Variants in RYR3 observed in about 807,000 individuals in gnomAD.
RYR3 encodes brain ryanodine receptor-calcium release channel.
In RYR3, 207 loss-of-function variants were observed where a neutral mutation model predicts 584.3. The ratio of observed to expected loss-of-function variants is 0.35; its 90% CI spans 0.32 to 0.40. The LOEUF (loss-of-function observed/expected upper bound fraction) is 0.40, where lower values mean the gene tolerates loss of function less well. Ranked by LOEUF, RYR3 falls within the 10% of genes least tolerant of loss-of-function variation. The pLI is 1.00. For missense variants in RYR3, 5,616 were observed against 6,089.2 expected (o/e 0.92, Z 2.59); for synonymous variants, 2,416 against 2,248.5 (o/e 1.07, Z -2.11).
chr15:33,781,577 A>G (rs1278871181), intron 65 of RYR3, among the ~76,000 whole-genome samples: 1 of 152,142 alleles, frequency 6.6e-6, no homozygotes, highest in African/African-American at 2.4e-5. Context: ...GTGCTAAGCC[A>G]TGGCAGCTTT....
chr15:33,748,611 G>C, intron 55 of RYR3, 81 bp downstream of exon 55: 1 of 1,164,704 alleles, frequency 8.6e-7, no homozygotes, highest in Non-Finnish European at 1.3e-6. Flanking sequence ...GGAAAAAAGG[G>C]AAAGAATGCC....
intron 2 of RYR3, among the ~76,000 whole-genome samples, chr15:33,489,257 T>C (rs543068096): frequency 1.3e-5 from 2 of 152,314 alleles, no homozygotes; most frequent in East Asian, 1.9e-4. Context: ...GTTTGTTACA[T>C]AGGTAAACTT....
chr15:33,605,099 T>C (rs1011229948), intron 18 of RYR3, among the ~76,000 whole-genome samples: 1 of 152,202 alleles, frequency 6.6e-6, no homozygotes, highest in Non-Finnish European at 1.5e-5. Flanking sequence ...TGAAGCAAAT[T>C]GGACCCTTGT....
intron 19 of RYR3, among the ~76,000 whole-genome samples, chr15:33,623,558 G>A (rs1215422687): frequency 6.6e-6 from 1 of 152,090 alleles, no homozygotes; most frequent in Non-Finnish European, 1.5e-5. Flanking sequence ...AAAACCTAGT[G>A]GTTTATGTAT....
intron 27 of RYR3, among the ~76,000 whole-genome samples, chr15:33,639,400 T>C (rs530911765): frequency 6.6e-6 from 1 of 152,348 alleles, no homozygotes; most frequent in South Asian, 2.1e-4. Flanking sequence ...GAAGTCGACA[T>C]GCCATTCTTT....
At chr15:33,382,809 A>G (rs2041298424) in intron 1 of RYR3, among the ~76,000 whole-genome samples, 1 of 152,210 alleles carries the variant, frequency 6.6e-6, no homozygotes, top group African/African-American at 2.4e-5. Flanking sequence ...TAATAGTAGG[A>G]GCCCTGGGGG....
chr15:33,598,468 C>T (rs539806704), intron 16 of RYR3, among the ~76,000 whole-genome samples: 1 of 151,996 alleles, frequency 6.6e-6, no homozygotes, highest in South Asian at 2.1e-4. Context: ...ACAAATTGTA[C>T]GATTTCTGAG....
chr15:33,451,815 T>C lies in RYR3; in HGVS notation c.52-21604T>C, dbSNP rs552440465. ...CATGTATGATTGTTATTCTTCACAG[T>C]AGTCTTTGACTTCGTCATTATTAAC... On this transcript the variant is annotated intron_variant, in intron 1 of 103. Coordinates refer to ENST00000634891, the MANE Select transcript of RYR3 (RefSeq NM_001036.6). 4.7e-4 allele frequency among the ~76,000 whole-genome samples: 71 copies of C among 152,392 alleles called. No homozygotes were observed. The Middle Eastern group carries it at 0.02, about 44-fold the overall frequency.
At chr15:33,751,779 G>A (rs1329848448) in intron 57 of RYR3, among the ~76,000 whole-genome samples, 1 of 152,006 alleles carries the variant, frequency 6.6e-6, no homozygotes, top group African/African-American at 2.4e-5. Flanking sequence ...CATTGATTTT[G>A]GTGTTTTAGT....
chr15:33,778,811 CCAT>C (rs1339247842), intron 64 of RYR3, among the ~76,000 whole-genome samples: 9 of 152,208 alleles, frequency 5.9e-5, no homozygotes, highest in African/African-American at 2.2e-4. Context: ...CAAGACTGAG[CCAT>C]CAGCTAAGAA....
intron 2 of RYR3, among the ~76,000 whole-genome samples, chr15:33,474,055 G>T (rs2049160233): frequency 6.6e-6 from 1 of 152,170 alleles, no homozygotes; most frequent in African/African-American, 2.4e-5. Flanking sequence ...CTGCATGGTG[G>T]CAATAATGCT....
chr15:33,540,911 T>A, intron 7 of RYR3, 21 bp downstream of exon 7: 2 of 1,496,738 alleles, frequency 1.3e-6, no homozygotes, highest in Non-Finnish European at 1.9e-6. Context: ...TTAAATGCAT[T>A]TAGCCCTGAG....
At chr15:33,680,448 G>C (rs1355683910) in intron 38 of RYR3, among the ~76,000 whole-genome samples, 1 of 152,196 alleles carries the variant, frequency 6.6e-6, no homozygotes, top group Non-Finnish European at 1.5e-5. Flanking sequence ...CTTGCTTCTT[G>C]TTCCAGCTTT....
At chr15:33,657,600 C>G (rs1240466340) in intron 32 of RYR3, among the ~76,000 whole-genome samples, 1 of 152,200 alleles carries the variant, frequency 6.6e-6, no homozygotes, top group African/African-American at 2.4e-5. Flanking sequence ...GTCTCATCAC[C>G]ATGAACTCAG....
Position 33,458,222 on chromosome 15 carries a change from G to C in RYR3, c.52-15197G>C, listed in dbSNP as rs375245374. On this transcript the variant is annotated intron_variant, in intron 1 of 103. Transcript: ENST00000634891. The stretch of plus-strand genomic sequence containing the variant: ...TAGGGTAGACAGTGGGATAGGAGGA[G>C]ATCAATTACACTTTGTACTCACCCT... Among the ~76,000 whole-genome samples, 14 of 152,200 alleles carry C rather than the reference G, an allele frequency of 9.2e-5. No individual in the cohort carries two copies. In the East Asian group the frequency reaches 2.5e-3, roughly 27 times the overall value.
chr15:33,561,692 A>G (rs2057408093), intron 10 of RYR3, among the ~76,000 whole-genome samples: 2 of 151,424 alleles, frequency 1.3e-5, no homozygotes, highest in Non-Finnish European at 2.9e-5. Context: ...CCTGGGCAAC[A>G]TGGGGAAACC....
chr15:33,546,805 G>T lies in RYR3; in HGVS notation c.741-1325G>T, dbSNP rs527686517. ...GACTCATAATTATACTACTTCTCCA[G>T]AAAAAAAAAATAAGTATACATTTTC... On this transcript the variant is annotated intron_variant, in intron 8 of 103. Transcript: ENST00000634891. Among the ~76,000 whole-genome samples the T allele has an allele frequency of 3.9e-3, 582 of 147,894 alleles. 4 individuals carry two copies. The highest frequency in any genetic ancestry group is 0.014 in the African/African-American group (552 of 40,426).
chr15:33,519,563 C>T (rs1390898180), intron 3 of RYR3, among the ~76,000 whole-genome samples: 1 of 151,974 alleles, frequency 6.6e-6, no homozygotes, highest in African/African-American at 2.4e-5. Flanking sequence ...TACCTGGGAG[C>T]TCAGACCTCA....
chr15:33,333,190 A>G (rs1419558268), intron 1 of RYR3, among the ~76,000 whole-genome samples: 1 of 151,628 alleles, frequency 6.6e-6, no homozygotes, highest in African/African-American at 2.4e-5. Context: ...AAAAGGAGGG[A>G]CTCTTCCCTA....
Sources: allele counts gnomAD v4.1 joint callset (sites outside exome capture counted in the v4.1 genomes callset), GRCh38; gene constraint gnomAD v4.1.1; transcripts MANE v1.5; gene names NCBI Gene and HGNC (gene_info 2026-07-23, HGNC 2026-07-21).